Variants in ABCA9 observed in about 807,000 individuals in gnomAD.
ABCA9 encodes ATP binding cassette subfamily A member 9.
A neutral mutation model predicts 205.3 loss-of-function variants in ABCA9; 183 were observed. The observed-to-expected ratio is 0.89, with a 90% CI of 0.79 to 1.01. The LOEUF is 1.01. Ranked by LOEUF, ABCA9 falls within the 50% of genes least tolerant of loss-of-function variation. The probability of loss-of-function intolerance (pLI) is 0.00; values close to 1 mark genes in which losing one functional copy is unlikely to be tolerated. For missense variants in ABCA9, 1,805 were observed against 1,912.4 expected (o/e 0.94, Z 1.05); for synonymous variants, 651 against 683.3 (o/e 0.95, Z 0.74).
chr17:69,040,559 T>G (rs2071497942), intron 6 of ABCA9, among the ~76,000 whole-genome samples: 1 of 151,526 alleles, frequency 6.6e-6, no homozygotes, highest in African/African-American at 2.4e-5. Flanking sequence ...TTTCAGGGAG[T>G]AGGGAGCAAG....
intron 25 of ABCA9, among the ~76,000 whole-genome samples, chr17:68,997,227 G>A (rs1225703613): frequency 2.6e-5 from 4 of 152,158 alleles, no homozygotes; most frequent in East Asian, 1.9e-4. Context: ...CATTGAGCTC[G>A]GCCAAATTAT....
At chr17:69,011,445 A>G (rs994443845) in intron 23 of ABCA9, among the ~76,000 whole-genome samples, 3 of 152,210 alleles carry the variant, frequency 2.0e-5, no homozygotes, top group African/African-American at 7.2e-5. Flanking sequence ...CAAGCCCTTC[A>G]AAAACATGTC....
At chr17:69,075,626 C>T in the ABCA9 span, among the ~76,000 whole-genome samples, 2 of 152,064 alleles carry the variant, frequency 1.3e-5, no homozygotes, top group Non-Finnish European at 2.9e-5. Context: ...AAGTATCATG[C>T]TGTTTTGGTT....
At chr17:68,991,528 T>C (rs990313877) in intron 28 of ABCA9, among the ~76,000 whole-genome samples, 1 of 152,138 alleles carries the variant, frequency 6.6e-6, no homozygotes, top group Non-Finnish European at 1.5e-5. Flanking sequence ...TTCTTTTATC[T>C]CTCCCTCATG....
chr17:69,001,582 T>A (rs2144117627), intron 25 of ABCA9, among the ~76,000 whole-genome samples: 2 of 151,926 alleles, frequency 1.3e-5, no homozygotes, highest in Admixed American at 1.3e-4. Context: ...AATTCTCTTT[T>A]TTGGTTGTGT....
chr17:68,990,308 T>C (rs2144025755), intron 29 of ABCA9, among the ~76,000 whole-genome samples: 1 of 152,342 alleles, frequency 6.6e-6, no homozygotes, highest in Non-Finnish European at 1.5e-5. Flanking sequence ...AGTTTTGTAA[T>C]GTTTAGCTGT....
upstream of ABCA9, among the ~76,000 whole-genome samples, chr17:69,065,045 G>C (rs148893683): frequency 2.1e-4 from 32 of 152,284 alleles, no homozygotes; most frequent in African/African-American, 7.2e-4. Context: ...TTTGGTACTC[G>C]TAAGTTTGAG....
At chr17:69,055,629 A>G (rs1479523090) in intron 1 of ABCA9, among the ~76,000 whole-genome samples, 1 of 152,208 alleles carries the variant, frequency 6.6e-6, no homozygotes, top group Non-Finnish European at 1.5e-5. Context: ...AAATAAAATC[A>G]GAGTTGAACT....
At position 68,989,813 on chromosome 17, in the gene ABCA9, C is replaced by A; in HGVS notation, c.3955G>T (p.Gly1319Cys). The A allele has an allele frequency of 6.4e-7, 1 of 1,558,538 alleles. No homozygotes were observed. The highest frequency in any genetic ancestry group is 1.1e-5 in the South Asian group (1 of 88,984). ...TRNVSFCVKK[G>C]EVIGLLGHNG... ...TACTAATGGAACTACTGTTTCCAAC[C>A]TTTTTTAACACAAAAAGAGACATTT... The change falls in exon 30 of 39, where the codon GGT becomes TGT. Residue 1319 changes from glycine (G) to cysteine (C), a missense_variant and splice_region_variant. Transcript: ENST00000340001.
At position 69,043,526 on chromosome 17, in the gene ABCA9, A is replaced by G. The variant is rs1037217384; in HGVS notation, c.763T>C (p.Leu255=). The G allele has an allele frequency of 8.1e-6, 13 of 1,607,454 alleles. No homozygotes were observed. The highest frequency in any genetic ancestry group is 1.1e-5 in the Non-Finnish European group (13 of 1,176,912). The change falls in exon 6 of 39, where the codon TTG becomes CTG. Residue 255 remains leucine (L), a synonymous_variant. Coordinates refer to ENST00000340001, the MANE Select transcript of ABCA9 (RefSeq NM_080283.4). ...VTQERQYITS[L]MTMMGLRESA... ...TCTCGGAGTCCCATCATTGTCATCA[A>G]TGACGTAATGTATTGTCTTTCTTGT...
intron 25 of ABCA9, among the ~76,000 whole-genome samples, chr17:68,996,218 CAG>C (rs2069619884): frequency 6.6e-6 from 1 of 152,182 alleles, no homozygotes; most frequent in African/African-American, 2.4e-5. Flanking sequence ...TTAAAAGACA[CAG>C]TGATGCTTCT....
chr17:69,069,723 A>C, the ABCA9 span, among the ~76,000 whole-genome samples: 1 of 151,882 alleles, frequency 6.6e-6, no homozygotes, highest in Non-Finnish European at 1.5e-5. Context: ...CTTTTGTTTT[A>C]TTCTGATCTT....
chr17:69,067,330 C>T, the ABCA9 span, among the ~76,000 whole-genome samples: 15 of 151,814 alleles, frequency 9.9e-5, no homozygotes, highest in African/African-American at 3.4e-4. Flanking sequence ...GAGGATCTCT[C>T]GAGTCCAGAA....
chr17:68,978,369 T>C (rs2068946332), intron 37 of ABCA9, among the ~76,000 whole-genome samples: 2 of 152,314 alleles, frequency 1.3e-5, no homozygotes, highest in Admixed American at 1.3e-4. Flanking sequence ...TGTCTCTGCA[T>C]GTGAGATGGG....
Position 69,032,152 on chromosome 17 carries a change from A to G in ABCA9, c.1401T>C (p.Cys467=), listed in dbSNP as rs775577531. The G allele has an allele frequency of 1.2e-6, 2 of 1,613,822 alleles. No individual in the cohort carries two copies. Among genetic ancestry groups the G allele is most frequent in the East Asian group, 4.5e-5 (2 of 44,868 alleles). Residue 467 remains cysteine (C), a synonymous_variant, in exon 10 of 39, where the codon TGT becomes TGC. Transcript: ENST00000340001. ...ETDSDPTPND[C]FEPVSPEFCG... ...AGAATTCTGGAGACACTGGTTCAAA[A>G]CAGTCATTAGGTGTAGGATCAGAAT...
At chr17:68,989,148 A>G (rs367781716) in intron 30 of ABCA9, 30 bp from the exon 31 acceptor site, 11 of 1,423,096 alleles carry the variant, frequency 7.7e-6, no homozygotes, top group African/African-American at 5.7e-5. Context: ...TCAGAAATAT[A>G]CAAATAATTG....
intron 1 of ABCA9, among the ~76,000 whole-genome samples, chr17:69,054,035 G>A (rs890573953): frequency 1.3e-5 from 2 of 152,094 alleles, no homozygotes; most frequent in African/African-American, 4.8e-5. Flanking sequence ...AGTATTTAAT[G>A]TGCTCAGAGA....
At chr17:69,010,656 A>G (rs1446571675) in intron 23 of ABCA9, among the ~76,000 whole-genome samples, 2 of 152,214 alleles carry the variant, frequency 1.3e-5, no homozygotes, top group African/African-American at 4.8e-5. Context: ...AATTAATTGC[A>G]AATAAGGAAA....
At chr17:69,014,760 A>C (rs1158697508) in intron 22 of ABCA9, among the ~76,000 whole-genome samples, 1 of 152,180 alleles carries the variant, frequency 6.6e-6, no homozygotes, top group Non-Finnish European at 1.5e-5. Flanking sequence ...TTTCTGAGGA[A>C]GCACAGAGGT....
Sources: allele counts gnomAD v4.1 joint callset (sites outside exome capture counted in the v4.1 genomes callset), GRCh38; gene constraint gnomAD v4.1.1; transcripts MANE v1.5; gene names NCBI Gene and HGNC (gene_info 2026-07-23, HGNC 2026-07-21).